Variants in GABPA observed in about 807,000 individuals in gnomAD.
GABPA encodes GA binding protein transcription factor subunit alpha, also known as GA-binding protein alpha chain.
A neutral mutation model predicts 59.4 loss-of-function variants in GABPA; 4 were observed. The observed-to-expected ratio is 0.07, with a 90% CI of 0.03 to 0.15. The LOEUF (loss-of-function observed/expected upper bound fraction) is 0.15, where lower values mean the gene tolerates loss of function less well. GABPA is among the 10% of genes least tolerant of loss of function. The probability of loss-of-function intolerance (pLI) is 1.00; values close to 1 mark genes in which losing one functional copy is unlikely to be tolerated. For missense variants in GABPA, 251 were observed against 543.8 expected, an observed-to-expected ratio of 0.46 and a Z score of 5.36; for synonymous variants, 164 against 183.1, an observed-to-expected ratio of 0.90 and a Z score of 0.84.
In GABPA at chr21:25,768,982, ATTTT is replaced by A; in HGVS notation, c.1137-16_1137-13del. The A allele has an allele frequency of 6.9e-7, 1 of 1,455,796 alleles. No individual in the cohort carries two copies. The highest frequency in any genetic ancestry group is 9.5e-7 in the Non-Finnish European group (1 of 1,050,426). The allele number at this position is 1,455,796 out of a possible 1,614,324, so 90.2% of individuals were successfully genotyped here. A position where few individuals can be genotyped will look rare whatever the true frequency, so the allele number is the denominator to read the frequency against. On this transcript the variant is annotated intron_variant, in intron 9 of 9. Coordinates refer to ENST00000400075, the MANE Select transcript of GABPA (RefSeq NM_002040.4). ...AGTCTCATTTTTTCTGAAGTCTCTA[ATTTT>A]TTTTTCTCTTTTTGAAGATATTATT...
intron 3 of GABPA, 42 bp from the exon 4 acceptor site, chr21:25,748,994 T>C (rs372618907): frequency 1.6e-6 from 2 of 1,212,570 alleles, no homozygotes; most frequent in Non-Finnish European, 2.5e-6. Context: ...CTTAATCTAA[T>C]GATTGCACTG....
chr21:25,764,961 A>T (rs2035855529), intron 9 of GABPA, among the ~76,000 whole-genome samples, 174 bp downstream of exon 9: 1 of 142,420 alleles, frequency 7.0e-6, no homozygotes. Flanking sequence ...TTCGAGGTAC[A>T]GTTTTTTTTT....
At chr21:25,743,705 T>C (rs138176174) in intron 2 of GABPA, among the ~76,000 whole-genome samples, 1 of 152,220 alleles carries the variant, frequency 6.6e-6, no homozygotes, top group East Asian at 1.9e-4. Context: ...AAGTAGTTCT[T>C]TAAAAATTTG....
chr21:25,755,869 A>G (rs2035624664), intron 5 of GABPA, among the ~76,000 whole-genome samples: 1 of 152,168 alleles, frequency 6.6e-6, no homozygotes, highest in South Asian at 2.1e-4. Context: ...TGAACCAGTG[A>G]AGGGGGTTCT....
intron 5 of GABPA, among the ~76,000 whole-genome samples, chr21:25,757,716 C>T (rs955080271): frequency 6.6e-6 from 1 of 151,758 alleles, no homozygotes; most frequent in Non-Finnish European, 1.5e-5. Context: ...TTTATTCTTT[C>T]ATTTGGCCCA....
intron 3 of GABPA, among the ~76,000 whole-genome samples, chr21:25,747,361 G>A (rs924470300): frequency 3.9e-5 from 6 of 152,106 alleles, no homozygotes; most frequent in African/African-American, 1.4e-4. Flanking sequence ...TATCCAAAAT[G>A]AAAGTATGGC....
chr21:25,743,724 G>A (rs1361272745), intron 2 of GABPA, among the ~76,000 whole-genome samples: 1 of 151,846 alleles, frequency 6.6e-6, no homozygotes, highest in African/African-American at 2.4e-5. Context: ...TGTTTTAAAA[G>A]TGACATTTGA....
intron 9 of GABPA, among the ~76,000 whole-genome samples, chr21:25,768,232 A>T (rs2035937872): frequency 6.6e-6 from 1 of 151,924 alleles, no homozygotes; most frequent in Non-Finnish European, 1.5e-5. Flanking sequence ...GTTTAGAAAC[A>T]TTGTCTCTTT....
intron 7 of GABPA, among the ~76,000 whole-genome samples, chr21:25,763,986 T>C (rs1410167369): frequency 1.3e-5 from 2 of 152,188 alleles, no homozygotes; most frequent in African/African-American, 4.8e-5. Context: ...ACAAGAATAC[T>C]AGCTCTTACT....
At chr21:25,767,790 C>T (rs765587441) in intron 9 of GABPA, among the ~76,000 whole-genome samples, 2 of 152,044 alleles carry the variant, frequency 1.3e-5, no homozygotes, top group Non-Finnish European at 2.9e-5. Context: ...CAAGACTGCC[C>T]AATGTGTTAT....
chr21:25,735,022 C>T lies in GABPA; in HGVS notation c.-583C>T. On this transcript the variant is annotated 5_prime_UTR_variant, in exon 1 of 10. Transcript: ENST00000400075. ...AAGCGTCTCGGAGACAGTCTGCGACCGGACGGGTCTAGGTGAGACAGAAGC... is the reference window on the plus strand; with the variant it reads ...AAGCGTCTCGGAGACAGTCTGCGACTGGACGGGTCTAGGTGAGACAGAAGC... 2.0e-6 allele frequency: 3 copies of T among 1,515,190 alleles called. No homozygotes were observed. In the South Asian group the frequency reaches 3.6e-5, roughly 18 times the overall value. The allele number at this position is 1,515,190 out of a possible 1,614,324, so 93.9% of individuals were successfully genotyped here.
Position 25,771,884 on chromosome 21 carries a change from T to C in GABPA, c.*2652T>C, listed in dbSNP as rs528099258. The C allele has an allele frequency of 4.6e-5, 7 of 152,212 alleles. No individual in the cohort carries two copies. The South Asian group carries it at 1.5e-3, about 32-fold the overall frequency. 9.4% of individuals were successfully genotyped at this position (152,212 alleles called of 1,614,324 possible). A position where few individuals can be genotyped will look rare whatever the true frequency, so the allele number is the denominator to read the frequency against. On this transcript the variant is annotated 3_prime_UTR_variant, in exon 10 of 10. Coordinates refer to ENST00000400075, the MANE Select transcript of GABPA (RefSeq NM_002040.4). ...CATCAGAAAAACAAATGAGGCAGAA[T>C]TGCTATGTGTGGTTGATCTTCAGAT...
Position 25,752,247 on chromosome 21 carries a change from A to G in GABPA, c.553+13A>G, listed in dbSNP as rs2123529393. On this transcript the variant is annotated intron_variant, in intron 5 of 9. Transcript: ENST00000400075. ...GGGATACCCTATGGTAATAAAATGC[A>G]TAATTCTATATTGGGTAGAATAATA... The G allele has an allele frequency of 6.2e-7, 1 of 1,612,212 alleles. No individual in the cohort carries two copies. The highest frequency in any genetic ancestry group is 8.5e-7 in the Non-Finnish European group (1 of 1,178,690).
intron 2 of GABPA, among the ~76,000 whole-genome samples, chr21:25,743,484 T>A (rs2035277704): frequency 6.6e-6 from 1 of 152,134 alleles, no homozygotes; most frequent in Non-Finnish European, 1.5e-5. Flanking sequence ...GACAGATTGG[T>A]AATTAATATG....
chr21:25,765,706 A>G (rs1042293067), intron 9 of GABPA, among the ~76,000 whole-genome samples: 14 of 151,912 alleles, frequency 9.2e-5, no homozygotes, highest in African/African-American at 3.1e-4. Context: ...TCAGTCTCAA[A>G]CACATTGCCA....
rs71649644 is a variant in GABPA at position 25,735,485 on chromosome 21, A to C, written c.-120A>C. On this transcript the variant is annotated 5_prime_UTR_variant, in exon 1 of 10. Transcript: ENST00000400075. ...TCTAGTCGCGGGAGCTGCAGGTCTT[A>C]CCCGGAGAGACGCTGCACGTGGAGC... 7.8e-4 allele frequency: 120 copies of C among 154,780 alleles called. 1 individual carries two copies. The East Asian group carries it at 0.02, about 26-fold the overall frequency. The allele number at this position is 154,780 out of a possible 1,614,324, so 9.6% of individuals were successfully genotyped here.
At position 25,772,297 on chromosome 21, in the gene GABPA, CA is replaced by C. The variant is rs2036023799; in HGVS notation, c.*3067del. 6.6e-6 allele frequency: 1 copy of C among 152,028 alleles called. No homozygotes were observed. Among genetic ancestry groups the C allele is most frequent in the Non-Finnish European group, 1.5e-5 (1 of 67,936 alleles). 9.4% of individuals were successfully genotyped at this position (152,028 alleles called of 1,614,324 possible). A position where few individuals can be genotyped will look rare whatever the true frequency, so the allele number is the denominator to read the frequency against. ...TACATTTTTACTCTTTAAATAACGA[CA>C]ACGACACTTATACTGTCATAATAAC... On this transcript the variant is annotated 3_prime_UTR_variant, in exon 10 of 10. Transcript: ENST00000400075.
rs2036005360 is a variant in GABPA at position 25,771,314 on chromosome 21, T to G, written c.*2082T>G. 6.7e-6 allele frequency: 1 copy of G among 150,212 alleles called. No individual in the cohort carries two copies. Among genetic ancestry groups the G allele is most frequent in the Non-Finnish European group, 1.5e-5 (1 of 67,178 alleles). The allele number at this position is 150,212 out of a possible 1,614,324, so 9.3% of individuals were successfully genotyped here. ...ACTTTTAGATCCCTAGAATGAAAAT[T>G]TTTTTCTCATCTATGCAATTCCCAT... On this transcript the variant is annotated 3_prime_UTR_variant, in exon 10 of 10. Transcript: ENST00000400075.
In GABPA at chr21:25,770,767, G is replaced by C. The variant is rs2035993663; in HGVS notation, c.*1535G>C. On this transcript the variant is annotated 3_prime_UTR_variant, in exon 10 of 10. Transcript: ENST00000400075. ...TTTGGAATGAATCCTAAGAGGCAGG[G>C]ATCTTAAGGACAAGGAAGAGAAGAG... 1 of 152,016 alleles carries C rather than the reference G, an allele frequency of 6.6e-6. No homozygotes were observed. The highest frequency in any genetic ancestry group is 6.6e-5 in the Admixed American group (1 of 15,250). The allele number at this position is 152,016 out of a possible 1,614,324, so 9.4% of individuals were successfully genotyped here.
Sources: allele counts gnomAD v4.1 joint callset (sites outside exome capture counted in the v4.1 genomes callset), GRCh38; gene constraint gnomAD v4.1.1; transcripts MANE v1.5; gene names NCBI Gene and HGNC (gene_info 2026-07-23, HGNC 2026-07-21).